The following BRWD1 variants were observed in gnomAD, a reference collection of about 807,000 sequenced individuals.
BRWD1 encodes the protein bromodomain and WD repeat-containing protein 1.
Under a neutral mutation model 251.2 loss-of-function variants are expected in BRWD1, and 82 were observed. That is an observed-to-expected ratio of 0.33 (90% confidence interval 0.27 to 0.39). The LOEUF (loss-of-function observed/expected upper bound fraction) is 0.39, where lower values mean the gene tolerates loss of function less well. Ranked by LOEUF, BRWD1 falls within the 10% of genes least tolerant of loss-of-function variation. BRWD1 has a pLI of 1.00. For synonymous variants in BRWD1, 918 were observed against 902.8 expected, an observed-to-expected ratio of 1.02 and a Z score of -0.30; for missense variants, 2,233 against 2,711.6, an observed-to-expected ratio of 0.82 and a Z score of 3.92.
chr21:39,245,847 C>T (rs2034170848), intron 21 of BRWD1, among the ~76,000 whole-genome samples: 1 of 152,078 alleles, frequency 6.6e-6, no homozygotes, highest in African/African-American at 2.4e-5. Flanking sequence ...AGTCATCTGC[C>T]CACCTTGGCC....
intron 17 of BRWD1, among the ~76,000 whole-genome samples, chr21:39,262,140 C>T (rs1186976579): frequency 2.6e-5 from 4 of 152,080 alleles, no homozygotes; most frequent in Non-Finnish European, 5.9e-5. Flanking sequence ...GTGTATGCAC[C>T]TAATGAATGA....
At position 39,215,237 on chromosome 21, in the gene BRWD1, T is replaced by C; in HGVS notation, c.3785A>G (p.Lys1262Arg). 6.2e-7 allele frequency: 1 copy of C among 1,610,356 alleles called. No homozygotes were observed. Among genetic ancestry groups the C allele is most frequent in the Non-Finnish European group, 8.5e-7 (1 of 1,176,782 alleles). ...ACACAACATCTATGAAATTACTTACTTGATAAATTTTAAAAGTTGGTCAGT... is the reference window on the plus strand; with the variant it reads ...ACACAACATCTATGAAATTACTTACCTGATAAATTTTAAAAGTTGGTCAGT... The part of the protein sequence containing the change: ...KITDQLLKFI[K>R]NQHCTNISEL... Residue 1262 changes from lysine to arginine, a missense_variant and splice_region_variant, in exon 32 of 41, where the codon AAG becomes AGG. Coordinates refer to ENST00000342449, the MANE Select transcript of BRWD1 (RefSeq NM_033656.4).
chr21:39,207,209 C>T (rs1339274310), intron 36 of BRWD1, among the ~76,000 whole-genome samples: 1 of 152,028 alleles, frequency 6.6e-6, no homozygotes, highest in Non-Finnish European at 1.5e-5. Context: ...CCGAGGCAGG[C>T]AGATCACTTG....
chr21:39,295,175 G>GTTTTTTTTTTT (rs869129436), intron 7 of BRWD1, among the ~76,000 whole-genome samples: 1 of 64,670 alleles, frequency 1.5e-5, no homozygotes, highest in Non-Finnish European at 2.8e-5. Flanking sequence ...GTATGTCTAT[G>GTTTTTTTTTTT]TTTTTTTTTT....
chr21:39,213,657 C>T (rs2032759954), intron 32 of BRWD1, 104 bp from the exon 33 acceptor site: 1 of 654,878 alleles, frequency 1.5e-6, no homozygotes, highest in Non-Finnish European at 2.5e-6. Flanking sequence ...CCTATACGTG[C>T]CTAATTTCAA....
intron 10 of BRWD1, among the ~76,000 whole-genome samples, chr21:39,277,841 C>T (rs1003818033): frequency 6.6e-6 from 1 of 152,036 alleles, no homozygotes; most frequent in Non-Finnish European, 1.5e-5. Context: ...GTTGGGATTA[C>T]AGGCGTGAGC....
At chr21:39,280,383 C>T (rs1568946387) in intron 8 of BRWD1, 135 bp from the exon 9 acceptor site, 3 of 646,674 alleles carry the variant, frequency 4.6e-6, no homozygotes, top group Admixed American at 6.8e-5. Context: ...GTAATACTAC[C>T]GTAGTGAAAA....
chr21:39,205,163 A>C (rs2032326891), intron 37 of BRWD1, among the ~76,000 whole-genome samples: 2 of 152,306 alleles, frequency 1.3e-5, no homozygotes, highest in South Asian at 2.1e-4. Context: ...TAAATAACAC[A>C]GTCTTAAATT....
Position 39,194,588 on chromosome 21 carries a change from C to G in BRWD1, c.*1671G>C. The G allele has an allele frequency of 6.8e-7, 1 of 1,479,328 alleles. No homozygotes were observed. Among genetic ancestry groups the G allele is most frequent in the Non-Finnish European group, 8.9e-7 (1 of 1,119,570 alleles). 91.6% of individuals were successfully genotyped at this position (1,479,328 alleles called of 1,614,324 possible). On this transcript the variant is annotated 3_prime_UTR_variant, in exon 41 of 41. Coordinates refer to ENST00000342449, the MANE Select transcript of BRWD1 (RefSeq NM_033656.4). ...CTCAGTTGATAATGTCCAAAAACAT[C>G]CTTCCCCATGCATCAGAGTAGAAAG...
Position 39,192,025 on chromosome 21 carries a change from TCCCC to T in BRWD1, c.*4230_*4233del. 1 of 984,236 alleles carries T rather than the reference TCCCC, an allele frequency of 1.0e-6. No homozygotes were observed. Among genetic ancestry groups the T allele is most frequent in the Non-Finnish European group, 1.2e-6 (1 of 828,990 alleles). 61.0% of individuals were successfully genotyped at this position (984,236 alleles called of 1,614,324 possible). ...TGGTAGAATCCAAATGATGTGACTCTCCCCCTCCCTCCATCAAATCTAGAAAAGC... is the reference window on the plus strand; with the variant it reads ...TGGTAGAATCCAAATGATGTGACTCTCTCCCTCCATCAAATCTAGAAAAGC... On this transcript the variant is annotated 3_prime_UTR_variant, in exon 41 of 41. Coordinates refer to ENST00000342449, the MANE Select transcript of BRWD1 (RefSeq NM_033656.4).
intron 37 of BRWD1, among the ~76,000 whole-genome samples, chr21:39,203,183 G>A (rs1257476771): frequency 2.0e-5 from 3 of 152,136 alleles, no homozygotes; most frequent in Non-Finnish European, 2.9e-5. Context: ...AGAAATGGCC[G>A]AACATGCCTG....
chr21:39,232,345 C>G, intron 24 of BRWD1, 28 bp downstream of exon 24: 1 of 1,598,902 alleles, frequency 6.3e-7, no homozygotes, highest in Middle Eastern at 1.7e-4. Flanking sequence ...GTTCCATATT[C>G]GTGTTTTTAA....
chr21:39,228,691 T>C, intron 26 of BRWD1, 109 bp from the exon 27 acceptor site: 1 of 579,256 alleles, frequency 1.7e-6, no homozygotes, highest in Non-Finnish European at 3.1e-6. Flanking sequence ...ATTTTTAATT[T>C]TCAACCAGCT....
intron 20 of BRWD1, among the ~76,000 whole-genome samples, 185 bp from the exon 21 acceptor site, chr21:39,248,017 A>G (rs1474479464): frequency 1.3e-5 from 2 of 152,224 alleles, no homozygotes; most frequent in Non-Finnish European, 2.9e-5. Context: ...TAAGGTCCTT[A>G]GAAAACATGA....
At chr21:39,314,557 G>A (rs2036654673), upstream of BRWD1, 1 of 346,422 alleles carries the variant, frequency 2.9e-6, no homozygotes, top group Admixed American at 3.9e-5. Context: ...TTGGAGAGGT[G>A]GACGACGACC....
chr21:39,318,093 C>G (rs1026521352), upstream of BRWD1, among the ~76,000 whole-genome samples: 7 of 151,928 alleles, frequency 4.6e-5, no homozygotes, highest in Non-Finnish European at 8.8e-5. Context: ...TAAGAATTTG[C>G]CTAAAAATGG....
At chr21:39,282,034 A>G (rs977562785) in intron 8 of BRWD1, among the ~76,000 whole-genome samples, 10 of 151,738 alleles carry the variant, frequency 6.6e-5, no homozygotes, top group Non-Finnish European at 1.5e-4. Flanking sequence ...ATGTATAAGT[A>G]TATGTATGTA....
At position 39,210,862 on chromosome 21, in the gene BRWD1, T is replaced by A. The variant is rs769577086; in HGVS notation, c.3968A>T (p.Lys1323Met). 50 of 1,612,880 alleles carry A rather than the reference T, an allele frequency of 3.1e-5. No homozygotes were observed. The highest frequency in any genetic ancestry group is 4.2e-5 in the Non-Finnish European group (50 of 1,179,590). Residue 1323 changes from lysine (K) to methionine (M), a missense_variant, in exon 35 of 41, where the codon AAG becomes ATG. By Grantham distance (95) the Lys-to-Met change is moderately conservative. Transcript: ENST00000342449. ...YVESNWKKQC[K>M]ELVNLIFQCE... ...CTGAAAAATTAAGTTCACTAGTTCC[T>A]TACACTGTTTCTTCCAGTTGCTTTC...
In BRWD1 at chr21:39,199,459, C is replaced by T; in HGVS notation, c.4957G>A (p.Glu1653Lys). Residue 1653 changes from glutamate to lysine, a missense_variant, in exon 40 of 41, where the codon GAA becomes AAA. By Grantham distance (56) the Glu-to-Lys change is moderately conservative (BLOSUM62 1). This residue lies in a region of BRWD1 where 928 missense variants were observed against 970.0 expected (regional missense o/e 0.96). Transcript: ENST00000342449. ...MSDVEENSSS[E>K]SVCSGRKLPH... ...AGCTTCCGACCAGAACAGACACTTT[C>T]AGAGCTAGAATTCTCTTCTACATCA... 1 of 1,614,200 alleles carries T rather than the reference C, an allele frequency of 6.2e-7. No individual in the cohort carries two copies. Among genetic ancestry groups the T allele is most frequent in the Non-Finnish European group, 8.5e-7 (1 of 1,180,036 alleles).
Sources: gnomAD v4.1 joint callset for allele counts (sites outside exome capture counted in the v4.1 genomes callset) on GRCh38, gnomAD v4.1.1 for gene constraint, gnomAD v4.1.1 regional missense constraint, MANE v1.5 for transcripts, NCBI Gene and HGNC (gene_info 2026-07-23, HGNC 2026-07-21) for gene names.